The following CERT1 variants were observed in gnomAD, a reference collection of about 807,000 sequenced individuals.
CERT1 encodes ceramide transporter 1, also known as ceramide transfer protein.
A neutral mutation model predicts 87.9 loss-of-function variants in CERT1; 31 were observed. The observed-to-expected ratio is 0.35, with a 90% CI of 0.27 to 0.48. The LOEUF (loss-of-function observed/expected upper bound fraction) is 0.48, where lower values mean the gene tolerates loss of function less well. Among genes scored for constraint, CERT1 ranks in the 20% least tolerant of loss-of-function variants. The pLI is 0.99. For synonymous variants in CERT1, 289 were observed against 250.9 expected (o/e 1.15, Z -1.44); for missense variants, 487 against 758.0 (o/e 0.64, Z 4.20).
At chr5:75,394,902 A>G (rs1762184910) in intron 11 of CERT1, among the ~76,000 whole-genome samples, 1 of 152,228 alleles carries the variant, frequency 6.6e-6, no homozygotes. Context: ...ATACACCTTA[A>G]TATTTATCTC....
At chr5:75,483,846 T>TG (rs1389227244) in intron 2 of CERT1, among the ~76,000 whole-genome samples, 1 of 151,234 alleles carries the variant, frequency 6.6e-6, no homozygotes, top group Non-Finnish European at 1.5e-5. Flanking sequence ...TTCTTCAGTC[T>TG]GGGGAAAAAA....
intron 1 of CERT1, among the ~76,000 whole-genome samples, chr5:75,508,056 C>A (rs1767737378): frequency 1.3e-5 from 2 of 152,106 alleles, no homozygotes; most frequent in African/African-American, 4.8e-5. Flanking sequence ...AGCATATTTG[C>A]CTACTTTTCT....
At chr5:75,374,529 T>G (rs909575597), downstream of CERT1, 7 of 719,102 alleles carry the variant, frequency 9.7e-6, no homozygotes, top group Non-Finnish European at 1.5e-5. Flanking sequence ...GCCTGTTTGC[T>G]GCACGAACCG....
At chr5:75,405,871 CTGG>C (rs1176276447) in intron 8 of CERT1, among the ~76,000 whole-genome samples, 5 of 11,974 alleles carry the variant, frequency 4.2e-4, no homozygotes, top group Admixed American at 1.0e-3. Context: ...TCTGCAGTTA[CTGG>C]GGGGGGGGGG....
In CERT1 at chr5:75,377,942, C is replaced by T. The variant is rs1412366322; in HGVS notation, c.*1404G>A. On this transcript the variant is annotated 3_prime_UTR_variant, in exon 17 of 17. Coordinates refer to ENST00000643780, the MANE Select transcript of CERT1 (RefSeq NM_001379029.1). ...ACCTAGGACTATACATGTATACCAC[C>T]ACGCCTAATTGTTTTTTGTCAAGAT... 1 of 152,174 alleles carries T rather than the reference C, an allele frequency of 6.6e-6. No individual in the cohort carries two copies. Among genetic ancestry groups the T allele is most frequent in the African/African-American group, 2.4e-5 (1 of 41,420 alleles). The allele number at this position is 152,174 out of a possible 1,614,324, so 9.4% of individuals were successfully genotyped here.
chr5:75,442,536 T>C (rs561217195), intron 3 of CERT1, among the ~76,000 whole-genome samples: 80 of 152,222 alleles, frequency 5.3e-4, no homozygotes, highest in Non-Finnish European at 9.3e-4. Context: ...GATTTAGTCT[T>C]GGTCAGTGTT....
chr5:75,418,228 A>C (rs758652729), intron 6 of CERT1, among the ~76,000 whole-genome samples: 1 of 152,242 alleles, frequency 6.6e-6, no homozygotes, highest in Non-Finnish European at 1.5e-5. Flanking sequence ...ACCAAAGAGC[A>C]GATATAAATG....
chr5:75,507,032 A>T (rs989488183), intron 1 of CERT1, among the ~76,000 whole-genome samples: 11 of 152,216 alleles, frequency 7.2e-5, no homozygotes, highest in African/African-American at 2.7e-4. Flanking sequence ...GCCAAAATAT[A>T]CTGCATTGGC....
intron 2 of CERT1, among the ~76,000 whole-genome samples, chr5:75,484,477 C>T (rs1272630085): frequency 7.3e-6 from 1 of 137,632 alleles, no homozygotes; most frequent in Non-Finnish European, 1.6e-5. Flanking sequence ...AAAAAAAAAG[C>T]AAGACCCAAT....
At chr5:75,480,343 G>A (rs1766176745) in intron 2 of CERT1, among the ~76,000 whole-genome samples, 1 of 152,146 alleles carries the variant, frequency 6.6e-6, no homozygotes, top group African/African-American at 2.4e-5. Flanking sequence ...CTTCCCTCAT[G>A]AAAGTCCTTT....
At chr5:75,428,910 G>A (rs1468253416) in intron 3 of CERT1, among the ~76,000 whole-genome samples, 1 of 151,834 alleles carries the variant, frequency 6.6e-6, no homozygotes, top group Non-Finnish European at 1.5e-5. Context: ...CTTTACATTT[G>A]TATGATAATT....
chr5:75,493,365 A>G (rs1171510266), intron 2 of CERT1, among the ~76,000 whole-genome samples: 1 of 151,620 alleles, frequency 6.6e-6, no homozygotes, highest in Non-Finnish European at 1.5e-5. Flanking sequence ...TTTTTAAAAC[A>G]ACAAGAGGTA....
intron 7 of CERT1, among the ~76,000 whole-genome samples, chr5:75,416,384 G>A (rs1190909833): frequency 1.3e-5 from 2 of 152,150 alleles, no homozygotes; most frequent in South Asian, 2.1e-4. Context: ...TATTATCAGT[G>A]CTGCAGTTTA....
At chr5:75,376,182 A>C (rs532371564), downstream of CERT1, 2 of 152,286 alleles carry the variant, frequency 1.3e-5, no homozygotes, top group Admixed American at 1.3e-4. Flanking sequence ...CTAATATCCT[A>C]CCATTTATCT....
In CERT1 at chr5:75,462,948, C is replaced by T. The variant is rs1343119303; in HGVS notation, c.232-3767G>A. On this transcript the variant is annotated intron_variant, in intron 2 of 16. Coordinates refer to ENST00000643780, the MANE Select transcript of CERT1 (RefSeq NM_001379029.1). ...TAGAAGTTGCAGTGAACCAAGATGG[C>T]GCTACTGTACTCCAGCCCGGCGACA... Among the ~76,000 whole-genome samples, 4 of 140,926 alleles carry T rather than the reference C, an allele frequency of 2.8e-5. No individual in the cohort carries two copies. The East Asian group carries it at 6.4e-4, about 23-fold the overall frequency. The allele number at this position is 140,926 out of a possible 152,430, so 92.5% of individuals were successfully genotyped here.
At chr5:75,488,675 G>A (rs1766637302) in intron 2 of CERT1, among the ~76,000 whole-genome samples, 1 of 151,906 alleles carries the variant, frequency 6.6e-6, no homozygotes, top group Admixed American at 6.6e-5. Flanking sequence ...GCTCCCTGTT[G>A]CCTTCTTTCT....
intron 11 of CERT1, among the ~76,000 whole-genome samples, chr5:75,395,327 C>A (rs1356420376): frequency 6.6e-6 from 1 of 152,046 alleles, no homozygotes; most frequent in African/African-American, 2.4e-5. Context: ...GTGGCCACAG[C>A]CATTATTTCA....
intron 3 of CERT1, among the ~76,000 whole-genome samples, chr5:75,431,967 T>A (rs558965782): frequency 6.6e-6 from 1 of 152,272 alleles, no homozygotes; most frequent in African/African-American, 2.4e-5. Flanking sequence ...GTAGTTCTGT[T>A]TTAAGTTGTT....
chr5:75,430,904 T>C (rs1157632151), intron 3 of CERT1, among the ~76,000 whole-genome samples: 1 of 152,006 alleles, frequency 6.6e-6, no homozygotes, highest in African/African-American at 2.4e-5. Flanking sequence ...AGTGGGGCAT[T>C]GTGGTGTGCT....
Sources: gnomAD v4.1 joint callset for allele counts (sites outside exome capture counted in the v4.1 genomes callset) on GRCh38, gnomAD v4.1.1 for gene constraint, MANE v1.5 for transcripts, NCBI Gene and HGNC (gene_info 2026-07-23, HGNC 2026-07-21) for gene names.